UBE2E1: variants seen among roughly 807,000 people sequenced by gnomAD.
The protein encoded by UBE2E1 is ubiquitin-conjugating enzyme E2 E1.
In UBE2E1, 6 loss-of-function variants were observed where a neutral mutation model predicts 21.4. That is an observed-to-expected ratio of 0.28 (90% confidence interval 0.15 to 0.55). UBE2E1 has a LOEUF of 0.55. UBE2E1 is among the 20% of genes least tolerant of loss of function. The probability of loss-of-function intolerance (pLI) is 0.93; values close to 1 mark genes in which losing one functional copy is unlikely to be tolerated. For missense variants in UBE2E1, 142 were observed against 236.5 expected (o/e 0.60, Z 2.62); for synonymous variants, 87 against 82.7 (o/e 1.05, Z -0.28).
chr3:23,810,606 C>G lies in UBE2E1; in HGVS notation c.153-854C>G. ...TCCGGTGCACCTGTGCGGCCGCGGG[C>G]CGGCCACTTGGGGTCTGTGGTGCCC... On this transcript the variant is annotated intron_variant, in intron 2 of 5. Coordinates refer to ENST00000306627, the MANE Select transcript of UBE2E1 (RefSeq NM_003341.5). This position sits in a 1 kb window ranked among gnomAD's most constrained non-coding sequence, Gnocchi z 5.8. The G allele has an allele frequency of 7.2e-7, 1 of 1,390,728 alleles. No homozygotes were observed. Among genetic ancestry groups the G allele is most frequent in the Non-Finnish European group, 9.6e-7 (1 of 1,040,924 alleles). The allele number at this position is 1,390,728 out of a possible 1,614,324, so 86.1% of individuals were successfully genotyped here.
At chr3:23,817,159 C>A (rs554146511) in intron 3 of UBE2E1, among the ~76,000 whole-genome samples, 2 of 152,210 alleles carry the variant, frequency 1.3e-5, no homozygotes, top group Middle Eastern at 3.4e-3. Flanking sequence ...TGAAAAGGCA[C>A]AAGCTGGGCA....
At position 23,819,007 on chromosome 3, in the gene UBE2E1, G is replaced by T. The variant is rs144439296; in HGVS notation, c.203+7497G>T. Among the ~76,000 whole-genome samples the T allele has an allele frequency of 2.4e-3, 366 of 152,312 alleles. 2 individuals carry two copies. The highest frequency in any genetic ancestry group is 8.4e-3 in the African/African-American group (349 of 41,574). ...AAGAGTAAAAATTGCTAGAGAGTCC[G>T]GGCACGGTGGCTTACGCCTGTAGTC... is the stretch of plus-strand genomic sequence containing the variant. On this transcript the variant is annotated intron_variant, in intron 3 of 5. Coordinates refer to ENST00000306627, the MANE Select transcript of UBE2E1 (RefSeq NM_003341.5).
intron 3 of UBE2E1, among the ~76,000 whole-genome samples, chr3:23,852,839 A>G (rs1252049614): frequency 1.3e-5 from 2 of 152,042 alleles, no homozygotes; most frequent in African/African-American, 4.8e-5. Flanking sequence ...TCCTGGGTTC[A>G]AGTGATCCTC....
chr3:23,856,814 G>C (rs1286352442), intron 3 of UBE2E1, among the ~76,000 whole-genome samples: 1 of 152,034 alleles, frequency 6.6e-6, no homozygotes, highest in South Asian at 2.1e-4. Context: ...CCAGAAGGCA[G>C]GGCTCATCAG....
At position 23,831,942 on chromosome 3, in the gene UBE2E1, C is replaced by T. The variant is rs1047581024; in HGVS notation, c.203+20432C>T. ...AATGCCTGACTGAGCTCAGGTGATTCGCCTGCCTCCGCCTCCGCCTCCCAA... is the reference window on the plus strand; with the variant it reads ...AATGCCTGACTGAGCTCAGGTGATTTGCCTGCCTCCGCCTCCGCCTCCCAA... On this transcript the variant is annotated intron_variant, in intron 3 of 5. Transcript: ENST00000306627. Among the ~76,000 whole-genome samples the T allele has an allele frequency of 2.3e-4, 35 of 152,172 alleles. No individual in the cohort carries two copies. The South Asian group carries it at 3.7e-3, about 16-fold the overall frequency.
intron 3 of UBE2E1, among the ~76,000 whole-genome samples, chr3:23,868,553 T>C (rs899805846): frequency 1.3e-5 from 2 of 152,132 alleles, no homozygotes; most frequent in African/African-American, 4.8e-5. Flanking sequence ...GTGATCCGCC[T>C]GCCTCAGCCT....
rs528926552 is a variant in UBE2E1 at position 23,844,099 on chromosome 3, G to T, written c.203+32589G>T. Among the ~76,000 whole-genome samples, 7 of 152,268 alleles carry T rather than the reference G, an allele frequency of 4.6e-5. No individual in the cohort carries two copies. In the East Asian group the frequency reaches 1.2e-3, roughly 25 times the overall value. On this transcript the variant is annotated intron_variant, in intron 3 of 5. Transcript: ENST00000306627. ...TAATTTGTGGGAGAGCCATGTGGGT[G>T]GGGTTTGTGAGTAGTCTCTAAGGCG...
intron 5 of UBE2E1, chr3:23,889,881 C>A: frequency 3.2e-6 from 1 of 317,380 alleles, no homozygotes; most frequent in Non-Finnish European, 4.5e-6. Context: ...GGTGGCAAAG[C>A]GAGACCCTGT....
chr3:23,834,153 C>T (rs372351739), intron 3 of UBE2E1, among the ~76,000 whole-genome samples: 1 of 152,218 alleles, frequency 6.6e-6, no homozygotes, highest in African/African-American at 2.4e-5. Context: ...AGGCCTTTTA[C>T]AGCTCATTTG....
chr3:23,847,492 T>A (rs1021470803), intron 3 of UBE2E1, among the ~76,000 whole-genome samples: 1 of 135,560 alleles, frequency 7.4e-6, no homozygotes, highest in Non-Finnish European at 1.6e-5. Flanking sequence ...CTTTAAATTT[T>A]TTTTTTTTTT....
chr3:23,817,421 C>CAAAAAA (rs369690021), intron 3 of UBE2E1, among the ~76,000 whole-genome samples: 8 of 42,258 alleles, frequency 1.9e-4, no homozygotes, highest in African/African-American at 3.7e-4. Context: ...GACTCTGTCT[C>CAAAAAA]AAAAAAAAAA....
intron 3 of UBE2E1, among the ~76,000 whole-genome samples, chr3:23,868,119 G>A (rs1448007776): frequency 6.6e-6 from 1 of 152,162 alleles, no homozygotes; most frequent in African/African-American, 2.4e-5. Context: ...CAGTTCCTAA[G>A]CAACTTTGTT....
At chr3:23,874,771 A>G (rs966903310) in intron 3 of UBE2E1, among the ~76,000 whole-genome samples, 5 of 152,194 alleles carry the variant, frequency 3.3e-5, no homozygotes, top group African/African-American at 1.2e-4. Flanking sequence ...TTAATCTTAT[A>G]GAGGAAAATG....
At chr3:23,869,681 A>C (rs1455968202) in intron 3 of UBE2E1, among the ~76,000 whole-genome samples, 2 of 142,540 alleles carry the variant, frequency 1.4e-5, no homozygotes, top group Non-Finnish European at 3.0e-5. Context: ...GCTTGAGCTC[A>C]GGGGTTCGAG....
chr3:23,855,999 G>T (rs1238159447), intron 3 of UBE2E1, among the ~76,000 whole-genome samples: 1 of 152,078 alleles, frequency 6.6e-6, no homozygotes, highest in East Asian at 1.9e-4. Context: ...TTTGCATGCT[G>T]TTCAGATTTT....
intron 3 of UBE2E1, among the ~76,000 whole-genome samples, chr3:23,829,264 G>A (rs1194645172): frequency 6.6e-6 from 1 of 150,534 alleles, no homozygotes; most frequent in Non-Finnish European, 1.5e-5. Flanking sequence ...GGGGTCAAGC[G>A]ATCCTCCCAC....
intron 3 of UBE2E1, among the ~76,000 whole-genome samples, chr3:23,881,627 A>G (rs1485027151): frequency 1.3e-5 from 2 of 152,224 alleles, no homozygotes; most frequent in Non-Finnish European, 2.9e-5. Context: ...GAGAATCCCA[A>G]TTAAAATAAG....
chr3:23,867,291 TTCTG>T (rs1439401163), intron 3 of UBE2E1, among the ~76,000 whole-genome samples: 2 of 152,210 alleles, frequency 1.3e-5, no homozygotes, highest in African/African-American at 4.8e-5. Flanking sequence ...TAGGGTACTT[TTCTG>T]TCTTTGATTT....
chr3:23,889,646 TG>T, intron 5 of UBE2E1: 1 of 985,440 alleles, frequency 1.0e-6, no homozygotes, highest in Non-Finnish European at 1.2e-6. Context: ...TCAGTGAGCA[TG>T]TGTCCCATAG....
Sources: gnomAD v4.1 joint callset for allele counts (sites outside exome capture counted in the v4.1 genomes callset) on GRCh38, gnomAD v4.1.1 for gene constraint, Gnocchi (gnomAD v3.1) non-coding constraint, MANE v1.5 for transcripts, NCBI Gene and HGNC (gene_info 2026-07-23, HGNC 2026-07-21) for gene names.